IL2: variants seen among roughly 807,000 people sequenced by gnomAD.
IL2 encodes the protein interleukin 2.
IL2 carries 3 observed loss-of-function variants against 14.6 expected under a neutral mutation model. The ratio of observed to expected loss-of-function variants is 0.21; its 90% CI spans 0.09 to 0.53. The LOEUF (loss-of-function observed/expected upper bound fraction) is 0.53, where lower values mean the gene tolerates loss of function less well. Among genes scored for constraint, IL2 ranks in the 20% least tolerant of loss-of-function variants. The probability of loss-of-function intolerance (pLI) is 0.95; values close to 1 mark genes in which losing one functional copy is unlikely to be tolerated. For missense variants in IL2, 125 were observed against 170.8 expected, an observed-to-expected ratio of 0.73 and a Z score of 1.50; for synonymous variants, 71 against 60.0, an observed-to-expected ratio of 1.18 and a Z score of -0.85.
intron 2 of IL2, among the ~76,000 whole-genome samples, chr4:122,455,290 G>A (rs968432547): frequency 6.6e-6 from 1 of 151,774 alleles, no homozygotes; most frequent in Non-Finnish European, 1.5e-5. Flanking sequence ...CAGCTACTAG[G>A]TAGCTTTACA....
chr4:122,456,539 A>G lies in IL2; in HGVS notation c.-99T>C. The G allele has an allele frequency of 3.4e-6, 3 of 888,244 alleles. No homozygotes were observed. The South Asian group carries it at 6.1e-5, about 18-fold the overall frequency. The allele number at this position is 888,244 out of a possible 1,614,324, so 55.0% of individuals were successfully genotyped here. On this transcript the variant is annotated 5_prime_UTR_variant, in exon 1 of 4. Coordinates refer to ENST00000226730, the MANE Select transcript of IL2 (RefSeq NM_000586.4). ...TTTATACTGTTAATTCTGGAAAAAT[A>G]TTATGGGGGTGTCAAAATGTTTTAC...
intron 2 of IL2, among the ~76,000 whole-genome samples, chr4:122,454,714 A>G (rs967895809): frequency 6.6e-6 from 1 of 151,870 alleles, no homozygotes; most frequent in Admixed American, 6.6e-5. Context: ...TAGCATTAAC[A>G]TAGCATCCTT....
At chr4:122,453,931 A>G in intron 2 of IL2, 78 bp from the exon 3 acceptor site, 1 of 1,282,008 alleles carries the variant, frequency 7.8e-7, no homozygotes, top group East Asian at 2.4e-5. Context: ...TTTTATTTGG[A>G]GTAGCAGTAT....
In IL2 at chr4:122,456,655, C is replaced by T; in HGVS notation, c.-215G>A. On this transcript the variant is annotated 5_prime_UTR_variant, in exon 1 of 4. Transcript: ENST00000226730. ...GATGACTCTTTGGAATTTCTTTAAA[C>T]CCCCAAAGACTGACTGAATGGATGT... 2.3e-6 allele frequency: 1 copy of T among 432,890 alleles called. No individual in the cohort carries two copies. The highest frequency in any genetic ancestry group is 5.3e-5 in the South Asian group (1 of 18,770). 26.8% of individuals were successfully genotyped at this position (432,890 alleles called of 1,614,324 possible). A position where few individuals can be genotyped will look rare whatever the true frequency, so the allele number is the denominator to read the frequency against.
chr4:122,455,614 A>T (rs946969179), intron 2 of IL2, among the ~76,000 whole-genome samples: 2 of 151,956 alleles, frequency 1.3e-5, no homozygotes, highest in African/African-American at 4.8e-5. Context: ...TTAAGTAGAC[A>T]TGAAACTGAA....
intron 2 of IL2, among the ~76,000 whole-genome samples, chr4:122,455,901 A>G (rs913907809): frequency 2.0e-5 from 3 of 151,900 alleles, no homozygotes; most frequent in Admixed American, 1.3e-4. Context: ...GAATTGTCTT[A>G]TCGATAAAGT....
In IL2 at chr4:122,453,915, A is replaced by C. The variant is rs1797703044; in HGVS notation, c.208-62T>G. On this transcript the variant is annotated intron_variant, in intron 2 of 3. Coordinates refer to ENST00000226730, the MANE Select transcript of IL2 (RefSeq NM_000586.4). ...AGGTCAGAATCAGAAATTAATTTCC[A>C]ATTTATTTTATTTGGAGTAGCAGTA... is the stretch of plus-strand genomic sequence containing the variant. The C allele has an allele frequency of 3.5e-6, 5 of 1,448,340 alleles. No homozygotes were observed. In the Admixed American group the frequency reaches 8.5e-5, roughly 25 times the overall value. 89.7% of individuals were successfully genotyped at this position (1,448,340 alleles called of 1,614,324 possible). A position where few individuals can be genotyped will look rare whatever the true frequency, so the allele number is the denominator to read the frequency against.
In IL2 at chr4:122,456,346, A is replaced by G. The variant is rs765882548; in HGVS notation, c.95T>C (p.Leu32Pro). 6.2e-7 allele frequency: 1 copy of G among 1,611,888 alleles called. No homozygotes were observed. Among genetic ancestry groups the G allele is most frequent in the Non-Finnish European group, 8.5e-7 (1 of 1,178,430 alleles). ...PTSSSTKKTQ[L>P]QLEHLLLDLQ... The stretch of plus-strand genomic sequence containing the variant: ...ATCCAGCAGTAAATGCTCCAGTTGT[A>G]GCTGTGTTTTCTTTGTAGAACTTGA... The change falls in exon 1 of 4, where the codon CTA becomes CCA. Residue 32 changes from leucine to proline, a missense_variant. Leu to Pro is a moderately conservative substitution (Grantham distance 98). Transcript: ENST00000226730.
At position 122,456,425 on chromosome 4, in the gene IL2, G is replaced by T. The variant is rs1213693379; in HGVS notation, c.16C>A (p.Leu6Ile). 6 of 1,610,920 alleles carry T rather than the reference G, an allele frequency of 3.7e-6. No individual in the cohort carries two copies. In the South Asian group the frequency reaches 6.6e-5, roughly 18 times the overall value. Residue 6 changes from leucine to isoleucine, a missense_variant, in exon 1 of 4, where the codon CTC (leucine) becomes ATC (isoleucine). Transcript: ENST00000226730. ...AGACTTAGTGCAATGCAAGACAGGA[G>T]TTGCATCCTGTACATTGTGGCAGGA... The part of the protein sequence containing the change: MYRMQ[L>I]LSCIALSLAL...
At position 122,451,790 on chromosome 4, in the gene IL2, T is replaced by A; in HGVS notation, c.424A>T (p.Ile142Phe). Residue 142 changes from isoleucine to phenylalanine, a missense_variant, in exon 4 of 4, where the codon ATT becomes TTT. Physicochemically the swap from Ile to Phe is conservative, Grantham distance 21. Transcript: ENST00000226730. Reference sequence around the variant, plus strand: ...GAGATGATGCTTTGACAAAAGGTAATCCATCTGTTCAGAAATTCTACAATG... The same window carrying A: ...GAGATGATGCTTTGACAAAAGGTAAACCATCTGTTCAGAAATTCTACAATG... Reference protein sequence around the residue: ...ATIVEFLNRWITFCQSIISTL... With the variant: ...ATIVEFLNRWFTFCQSIISTL... The A allele has an allele frequency of 1.3e-6, 2 of 1,588,468 alleles. No individual in the cohort carries two copies. The highest frequency in any genetic ancestry group is 1.7e-6 in the Non-Finnish European group (2 of 1,165,006).
At chr4:122,455,294 C>T (rs1370593385) in intron 2 of IL2, among the ~76,000 whole-genome samples, 1 of 151,836 alleles carries the variant, frequency 6.6e-6, no homozygotes, top group Non-Finnish European at 1.5e-5. Flanking sequence ...TACTAGGTAG[C>T]TTTACACACC....
intron 3 of IL2, 34 bp downstream of exon 3, chr4:122,453,676 T>TA: frequency 6.5e-7 from 1 of 1,533,228 alleles, no homozygotes; most frequent in South Asian, 1.2e-5. Context: ...TTTTTTTTTT[T>TA]ATTTCCAGGA....
Position 122,456,616 on chromosome 4 carries a change from A to C in IL2, c.-176T>G. ...ACCTGTCTGAAAAAACATTACCTTC[A>C]TTTTTCCTCTTCTGATGACTCTTTG... is the stretch of plus-strand genomic sequence containing the variant. On this transcript the variant is annotated 5_prime_UTR_variant, in exon 1 of 4. The change abolishes an upstream ATG in the 5' untranslated region. Coordinates refer to ENST00000226730, the MANE Select transcript of IL2 (RefSeq NM_000586.4). The C allele has an allele frequency of 2.0e-6, 1 of 509,706 alleles. No homozygotes were observed. Among genetic ancestry groups the C allele is most frequent in the Non-Finnish European group, 3.4e-6 (1 of 290,754 alleles). The allele number at this position is 509,706 out of a possible 1,614,324, so 31.6% of individuals were successfully genotyped here.
In IL2 at chr4:122,456,661, A is replaced by G. The variant is rs755576391; in HGVS notation, c.-221T>C. 69 of 423,356 alleles carry G rather than the reference A, an allele frequency of 1.6e-4. No individual in the cohort carries two copies. The highest frequency in any genetic ancestry group is 5.2e-4 in the Admixed American group (13 of 25,210). 26.2% of individuals were successfully genotyped at this position (423,356 alleles called of 1,614,324 possible). On this transcript the variant is annotated 5_prime_UTR_variant, in exon 1 of 4. Transcript: ENST00000226730. ...TCTTTGGAATTTCTTTAAACCCCCA[A>G]AGACTGACTGAATGGATGTAGGTGA...
chr4:122,453,684 G>A, intron 3 of IL2, 26 bp downstream of exon 3: 2 of 1,554,446 alleles, frequency 1.3e-6, no homozygotes, highest in Non-Finnish European at 1.7e-6. Context: ...TTTATTTCCA[G>A]GAGAGCAAAT....
In IL2 at chr4:122,453,654, T is replaced by C. The variant is rs1797698479; in HGVS notation, c.351+56A>G. The C allele has an allele frequency of 3.4e-6, 5 of 1,463,038 alleles. No individual in the cohort carries two copies. The African/African-American group carries it at 4.3e-5, about 12-fold the overall frequency. The allele number at this position is 1,463,038 out of a possible 1,614,324, so 90.6% of individuals were successfully genotyped here. A position where few individuals can be genotyped will look rare whatever the true frequency, so the allele number is the denominator to read the frequency against. On this transcript the variant is annotated intron_variant, in intron 3 of 3. Coordinates refer to ENST00000226730, the MANE Select transcript of IL2 (RefSeq NM_000586.4). ...TTATGTCACTTTAAAATGTGGTACT[T>C]TTCCCCCTACTTTTTTTTTTTTATT...
intron 3 of IL2, among the ~76,000 whole-genome samples, chr4:122,452,513 T>C (rs990127526): frequency 2.0e-5 from 3 of 152,032 alleles, no homozygotes; most frequent in African/African-American, 7.2e-5. Context: ...GTGGACTGGC[T>C]TTTTAGAAAT....
In IL2 at chr4:122,456,317, G is replaced by T. The variant is rs1276833593; in HGVS notation, c.124C>A (p.Gln42Lys). ...ACATTAATTCCATTCAAAATCATCT[G>T]TAAATCCAGCAGTAAATGCTCCAGT... The part of the protein sequence containing the change: ...LQLEHLLLDL[Q>K]MILNGINNYK... The change falls in exon 1 of 4, where the codon CAG becomes AAG. Residue 42 changes from glutamine to lysine, a missense_variant. Physicochemically the swap from Gln to Lys is moderately conservative, Grantham distance 53 (BLOSUM62 1). Transcript: ENST00000226730. 6.2e-7 allele frequency: 1 copy of T among 1,610,538 alleles called. No individual in the cohort carries two copies. Among genetic ancestry groups the T allele is most frequent in the Non-Finnish European group, 8.5e-7 (1 of 1,177,522 alleles).
chr4:122,451,967 T>G, intron 3 of IL2, 105 bp from the exon 4 acceptor site: 1 of 412,890 alleles, frequency 2.4e-6, no homozygotes, highest in African/African-American at 2.1e-5. Flanking sequence ...TTTTCAAGCT[T>G]ACCAAACATA....
Sources: allele counts gnomAD v4.1 joint callset (sites outside exome capture counted in the v4.1 genomes callset), GRCh38; gene constraint gnomAD v4.1.1; transcripts MANE v1.5; gene names NCBI Gene and HGNC (gene_info 2026-07-23, HGNC 2026-07-21).